Variants in PLEKHA7 observed in about 807,000 individuals in gnomAD.
PLEKHA7 encodes pleckstrin homology domain-containing family A member 7.
A neutral mutation model predicts 170.0 loss-of-function variants in PLEKHA7; 104 were observed. The ratio of observed to expected loss-of-function variants is 0.61; its 90% confidence interval spans 0.52 to 0.72. The LOEUF (loss-of-function observed/expected upper bound fraction) is 0.72, where lower values mean the gene tolerates loss of function less well. Among genes scored for constraint, PLEKHA7 ranks in the 30% least tolerant of loss-of-function variants. The pLI is 0.00. For missense variants in PLEKHA7, 1,615 were observed against 1,671.7 expected, an observed-to-expected ratio of 0.97 and a Z score of 0.59; for synonymous variants, 648 against 660.8, an observed-to-expected ratio of 0.98 and a Z score of 0.30.
At chr11:16,783,252 G>A (rs1254612348) in intron 25 of PLEKHA7, among the ~76,000 whole-genome samples, 1 of 152,218 alleles carries the variant, frequency 6.6e-6, no homozygotes, top group Non-Finnish European at 1.5e-5. Flanking sequence ...AGGACCCCAG[G>A]CCAGCATCCA....
intron 3 of PLEKHA7, among the ~76,000 whole-genome samples, chr11:16,937,036 G>A (rs760764322): frequency 2.0e-5 from 3 of 152,236 alleles, no homozygotes; most frequent in Non-Finnish European, 4.4e-5. Context: ...CATGTATCAA[G>A]TACCAATTAC....
intron 4 of PLEKHA7, among the ~76,000 whole-genome samples, chr11:16,859,391 C>G (rs202211006): frequency 2.6e-5 from 4 of 152,170 alleles, no homozygotes; most frequent in African/African-American, 7.2e-5. Flanking sequence ...AAATGGTGGT[C>G]GTGCTTGGGG....
At chr11:16,970,575 G>A (rs1467477373) in intron 3 of PLEKHA7, among the ~76,000 whole-genome samples, 2 of 152,082 alleles carry the variant, frequency 1.3e-5, no homozygotes, top group Non-Finnish European at 2.9e-5. Flanking sequence ...GTTGAGGCAG[G>A]AAGATCGCTT....
At chr11:16,849,133 C>T (rs970139943) in intron 8 of PLEKHA7, among the ~76,000 whole-genome samples, 6 of 152,174 alleles carry the variant, frequency 3.9e-5, no homozygotes, top group South Asian at 2.1e-4. Context: ...CCCAAACACA[C>T]GATGCCTTCT....
intron 3 of PLEKHA7, among the ~76,000 whole-genome samples, chr11:16,924,241 A>G (rs1456188035): frequency 1.3e-5 from 2 of 152,032 alleles, no homozygotes; most frequent in East Asian, 3.9e-4. Context: ...CACCTTCTCT[A>G]TTTCCCACCT....
intron 19 of PLEKHA7, 43 bp downstream of exon 19, chr11:16,794,445 G>T: frequency 6.4e-7 from 1 of 1,556,738 alleles, no homozygotes; most frequent in Non-Finnish European, 8.9e-7. Flanking sequence ...TCTGAGGACA[G>T]AGAGGAAACA....
At chr11:16,939,040 T>C (rs1860501689) in intron 3 of PLEKHA7, among the ~76,000 whole-genome samples, 1 of 152,226 alleles carries the variant, frequency 6.6e-6, no homozygotes, top group Non-Finnish European at 1.5e-5. Flanking sequence ...CATGAATTTC[T>C]TAGGCAGAAT....
At chr11:16,995,960 C>A (rs1864314616) in intron 3 of PLEKHA7, among the ~76,000 whole-genome samples, 1 of 152,210 alleles carries the variant, frequency 6.6e-6, no homozygotes, top group Non-Finnish European at 1.5e-5. Flanking sequence ...TCTGAGCTAA[C>A]TGGACAGTAT....
At chr11:16,907,496 C>T (rs9667258) in intron 3 of PLEKHA7, among the ~76,000 whole-genome samples, 10,974 of 96,668 alleles carry the variant, frequency 0.11, 360 homozygotes, top group African/African-American at 0.27. Context: ...GCCAGCCGCC[C>T]CGTCCGGGAG....
intron 3 of PLEKHA7, among the ~76,000 whole-genome samples, chr11:17,013,644 G>A (rs576821139): frequency 6.6e-6 from 1 of 152,360 alleles, no homozygotes; most frequent in South Asian, 2.1e-4. Context: ...CCAGGTCCCG[G>A]CACTCGCCTC....
intron 10 of PLEKHA7, among the ~76,000 whole-genome samples, chr11:16,818,107 C>T (rs1009608878): frequency 5.3e-4 from 81 of 152,242 alleles, no homozygotes; most frequent in African/African-American, 1.9e-3. Flanking sequence ...ACCCTAGTCC[C>T]GTCCCAGCCT....
At chr11:17,013,024 A>T (rs1244870679) in intron 3 of PLEKHA7, 1 of 152,086 alleles carries the variant, frequency 6.6e-6, no homozygotes, top group Non-Finnish European at 1.5e-5. Flanking sequence ...AGTACTAGTC[A>T]GACCACCGTC....
chr11:16,971,229 A>C (rs368386467), intron 3 of PLEKHA7, among the ~76,000 whole-genome samples: 1 of 152,350 alleles, frequency 6.6e-6, no homozygotes, highest in South Asian at 2.1e-4. Context: ...GAGAGTGACA[A>C]TATAGCTTTG....
At chr11:16,790,714 G>T in intron 21 of PLEKHA7, 84 bp downstream of exon 21, 2 of 1,373,398 alleles carry the variant, frequency 1.5e-6, no homozygotes, top group Non-Finnish European at 2.0e-6. Context: ...AGAGCTGCAG[G>T]CAGAAGGGTA....
chr11:16,983,181 G>A (rs1402525978), intron 3 of PLEKHA7, among the ~76,000 whole-genome samples: 1 of 152,156 alleles, frequency 6.6e-6, no homozygotes, highest in African/African-American at 2.4e-5. Context: ...CAAAAGCAAT[G>A]GGGGAAGTCA....
intron 3 of PLEKHA7, among the ~76,000 whole-genome samples, chr11:16,889,580 T>A (rs1398636530): frequency 6.6e-6 from 1 of 150,896 alleles, no homozygotes; most frequent in African/African-American, 2.4e-5. Context: ...CCAGCCTGAG[T>A]GACAGGAGTC....
At position 16,854,909 on chromosome 11, in the gene PLEKHA7, T is replaced by G. The variant is rs753111394; in HGVS notation, c.502A>C (p.Arg168=). 1 of 1,613,958 alleles carries G rather than the reference T, an allele frequency of 6.2e-7. No individual in the cohort carries two copies. Among genetic ancestry groups the G allele is most frequent in the Non-Finnish European group, 8.5e-7 (1 of 1,179,912 alleles). The change falls in exon 6 of 27, where the codon AGG becomes CGG. Residue 168 remains arginine (R), a synonymous_variant. Coordinates refer to ENST00000531066, the MANE Select transcript of PLEKHA7 (RefSeq NM_001329630.2). ...CTCACCTGCTTGTGCAGCCAGCCCC[T>G]CACCACCACGGGAACATTGGGGTTC... is the stretch of plus-strand genomic sequence containing the variant. ...RRNPNVPVVV[R]GWLHKQDSSG...
At chr11:16,802,827 T>G in intron 15 of PLEKHA7, 145 bp downstream of exon 15, 17 of 724,280 alleles carry the variant, frequency 2.3e-5, no homozygotes, top group Non-Finnish European at 3.8e-5. Context: ...ATTACAGGCA[T>G]GAGCCACCGC....
chr11:16,948,875 G>A (rs1861224978), intron 3 of PLEKHA7, among the ~76,000 whole-genome samples: 1 of 152,172 alleles, frequency 6.6e-6, no homozygotes, highest in Non-Finnish European at 1.5e-5. Context: ...CCTCAACACA[G>A]GTCCTGTGGG....
Sources: allele counts gnomAD v4.1 joint callset (sites outside exome capture counted in the v4.1 genomes callset), GRCh38; gene constraint gnomAD v4.1.1; transcripts MANE v1.5; gene names NCBI Gene and HGNC (gene_info 2026-07-23, HGNC 2026-07-21).